Variants in CCDC172 observed in about 807,000 individuals in gnomAD.
CCDC172 encodes coiled-coil domain containing 172.
A neutral mutation model predicts 38.0 loss-of-function variants in CCDC172; 30 were observed. The observed-to-expected ratio is 0.79, with a 90% confidence interval of 0.59 to 1.07. CCDC172 has a LOEUF of 1.07. CCDC172 is among the 50% of genes least tolerant of loss of function. The probability of loss-of-function intolerance (pLI) is 0.00; values close to 1 mark genes in which losing one functional copy is unlikely to be tolerated. For synonymous variants in CCDC172, 78 were observed against 88.3 expected, an observed-to-expected ratio of 0.88 and a Z score of 0.66; for missense variants, 297 against 290.1, an observed-to-expected ratio of 1.02 and a Z score of -0.17.
At chr10:116,357,324 G>A (rs1209294531) in intron 5 of CCDC172, 56 bp from the exon 6 acceptor site, 6 of 1,127,946 alleles carry the variant, frequency 5.3e-6, no homozygotes, top group Middle Eastern at 2.5e-4. Context: ...TTTTACTTCC[G>A]GGGTTAAATT....
chr10:116,338,235 G>A (rs1454440834), intron 3 of CCDC172, among the ~76,000 whole-genome samples: 4 of 151,948 alleles, frequency 2.6e-5, no homozygotes, highest in South Asian at 2.1e-4. Context: ...CGCTTTCTCC[G>A]TCATTCTACT....
intron 5 of CCDC172, among the ~76,000 whole-genome samples, chr10:116,352,625 A>G (rs1030953660): frequency 1.1e-4 from 16 of 152,146 alleles, no homozygotes; most frequent in African/African-American, 3.4e-4. Context: ...TCAATCTGAT[A>G]GAGGGCATCT....
At chr10:116,357,660 T>G (rs1463054818) in intron 6 of CCDC172, among the ~76,000 whole-genome samples, 176 bp from the exon 7 acceptor site, 1 of 152,018 alleles carries the variant, frequency 6.6e-6, no homozygotes, top group Admixed American at 6.5e-5. Context: ...TGTCACAAAT[T>G]TTTTGAAGAT....
intron 5 of CCDC172, among the ~76,000 whole-genome samples, chr10:116,353,601 C>T (rs1442902736): frequency 2.4e-4 from 36 of 152,034 alleles, no homozygotes; most frequent in Admixed American, 2.4e-3. Flanking sequence ...TATACAAAGC[C>T]ACTTCCAGTA....
At chr10:116,367,183 T>C (rs956643883) in intron 7 of CCDC172, among the ~76,000 whole-genome samples, 1 of 152,186 alleles carries the variant, frequency 6.6e-6, no homozygotes, top group Non-Finnish European at 1.5e-5. Context: ...TCATTTTTTA[T>C]AGTTAGCATT....
At chr10:116,359,247 C>T (rs1845035886) in intron 7 of CCDC172, among the ~76,000 whole-genome samples, 1 of 152,078 alleles carries the variant, frequency 6.6e-6, no homozygotes, top group Non-Finnish European at 1.5e-5. Flanking sequence ...TAACAAGAAG[C>T]TAATGATGTC....
intron 4 of CCDC172, among the ~76,000 whole-genome samples, chr10:116,341,108 T>G (rs927755779): frequency 2.0e-5 from 3 of 151,962 alleles, no homozygotes; most frequent in Non-Finnish European, 2.9e-5. Flanking sequence ...CTGATTTGAA[T>G]TGCTCAAGCA....
At chr10:116,372,229 T>C (rs1845193674) in intron 7 of CCDC172, among the ~76,000 whole-genome samples, 1 of 152,082 alleles carries the variant, frequency 6.6e-6, no homozygotes, top group Admixed American at 6.6e-5. Context: ...TTATTTTTCC[T>C]TTTGGAAACT....
chr10:116,355,991 A>G (rs1319720702), intron 5 of CCDC172, among the ~76,000 whole-genome samples: 1 of 152,226 alleles, frequency 6.6e-6, no homozygotes, highest in Non-Finnish European at 1.5e-5. Flanking sequence ...TTATGTATCA[A>G]TAAAAACTGT....
At chr10:116,379,219 G>T in intron 8 of CCDC172, 104 bp from the exon 9 acceptor site, 2 of 552,144 alleles carry the variant, frequency 3.6e-6, no homozygotes, top group Non-Finnish European at 6.1e-6. Flanking sequence ...ATATAATTAA[G>T]AAATGCCCAG....
chr10:116,324,732 G>A (rs901866314), intron 1 of CCDC172, 119 bp downstream of exon 1: 13 of 423,688 alleles, frequency 3.1e-5, no homozygotes, highest in East Asian at 8.6e-5. Flanking sequence ...CTCTTAGGGC[G>A]TGAGGGAGAA....
At chr10:116,349,507 G>A (rs1256857752) in intron 5 of CCDC172, among the ~76,000 whole-genome samples, 1 of 152,014 alleles carries the variant, frequency 6.6e-6, no homozygotes, top group Non-Finnish European at 1.5e-5. Context: ...AGCTCTTCTG[G>A]TTATATTCTC....
In CCDC172 at chr10:116,340,851, G is replaced by A; in HGVS notation, c.282+1G>A. 1 of 1,449,208 alleles carries A rather than the reference G, an allele frequency of 6.9e-7. No homozygotes were observed. Among genetic ancestry groups the A allele is most frequent in the Non-Finnish European group, 9.6e-7 (1 of 1,037,686 alleles). 89.8% of individuals were successfully genotyped at this position (1,449,208 alleles called of 1,614,324 possible). On this transcript the variant is annotated splice_donor_variant, in intron 4 of 8. Coordinates refer to ENST00000333254, the MANE Select transcript of CCDC172 (RefSeq NM_198515.3). LOFTEE classifies it high-confidence loss of function. ...TAGGAATATGCTTCTTCAAACCTTT[G>A]TAAGTTTCCAGCCACCTAGAAAAAT...
At chr10:116,332,146 G>A (rs1016988911) in intron 3 of CCDC172, among the ~76,000 whole-genome samples, 1 of 152,124 alleles carries the variant, frequency 6.6e-6, no homozygotes, top group African/African-American at 2.4e-5. Flanking sequence ...TCTGAAAGAT[G>A]CTCCTGTGGG....
At chr10:116,375,256 G>T (rs1486264805) in intron 7 of CCDC172, among the ~76,000 whole-genome samples, 1 of 151,454 alleles carries the variant, frequency 6.6e-6, no homozygotes, top group East Asian at 1.9e-4. Flanking sequence ...GAGGGCTGTG[G>T]GTCTAAATTT....
In CCDC172 at chr10:116,378,494, T is replaced by C; in HGVS notation, c.725T>C (p.Ile242Thr). ...GTTTATGAAGCTCTCCAAACAGAAA[T>C]AGAATTTTTGGAGTTGGTAAGTTAT... ...ESVYEALQTE[I>T]EFLELTLAQK... Residue 242 changes from isoleucine (I) to threonine (T), a missense_variant, in exon 8 of 9, where the codon ATA (isoleucine) becomes ACA (threonine). Transcript: ENST00000333254. 1 of 1,604,208 alleles carries C rather than the reference T, an allele frequency of 6.2e-7. No homozygotes were observed. Among genetic ancestry groups the C allele is most frequent in the Non-Finnish European group, 8.5e-7 (1 of 1,175,892 alleles).
chr10:116,325,053 G>C lies in CCDC172; in HGVS notation c.42G>C (p.Glu14Asp). The C allele has an allele frequency of 6.2e-7, 1 of 1,614,074 alleles. No individual in the cohort carries two copies. The highest frequency in any genetic ancestry group is 8.5e-7 in the Non-Finnish European group (1 of 1,180,020). Residue 14 changes from glutamate (E) to aspartate (D), a missense_variant, in exon 2 of 9, where the codon GAG becomes GAC. Physicochemically the swap from Glu to Asp is conservative, Grantham distance 45. Coordinates refer to ENST00000333254, the MANE Select transcript of CCDC172 (RefSeq NM_198515.3). ...TGTTTCAGCACATCATCTTCACCGA[G>C]CATCAGGCGGAGGAGAGTCGCCGTT... ...ESLFQHIIFT[E>D]HQAEESRRLM...
chr10:116,354,983 G>A (rs1021869779), intron 5 of CCDC172, among the ~76,000 whole-genome samples: 3 of 152,196 alleles, frequency 2.0e-5, no homozygotes, highest in African/African-American at 7.2e-5. Context: ...TTTAAGCTAA[G>A]TGTTATTACA....
chr10:116,333,683 C>T (rs996238667), intron 3 of CCDC172, among the ~76,000 whole-genome samples: 8 of 152,230 alleles, frequency 5.3e-5, no homozygotes, highest in South Asian at 2.1e-4. Flanking sequence ...TGTTCTTGAC[C>T]GGTCAGTATT....
Sources: gnomAD v4.1 joint callset for allele counts (sites outside exome capture counted in the v4.1 genomes callset) on GRCh38, gnomAD v4.1.1 for gene constraint, MANE v1.5 for transcripts, NCBI Gene and HGNC (gene_info 2026-07-23, HGNC 2026-07-21) for gene names.